SLAMF1: variants seen among roughly 807,000 people sequenced by gnomAD.
SLAMF1 encodes the protein signaling lymphocytic activation molecule.
In SLAMF1, 18 loss-of-function variants were observed where a neutral mutation model predicts 35.1. The ratio of observed to expected loss-of-function variants is 0.51; its 90% CI spans 0.35 to 0.76. The LOEUF (loss-of-function observed/expected upper bound fraction) is 0.76. Ranked by LOEUF, SLAMF1 falls within the 30% of genes least tolerant of loss-of-function variation. The pLI, the probability that SLAMF1 is intolerant of heterozygous loss-of-function variation, is 0.01. For synonymous variants in SLAMF1, 168 were observed against 157.2 expected, an observed-to-expected ratio of 1.07 and a Z score of -0.51; for missense variants, 392 against 413.0, an observed-to-expected ratio of 0.95 and a Z score of 0.44.
chr1:160,641,913 G>A (rs534005019), intron 1 of SLAMF1, among the ~76,000 whole-genome samples: 3 of 152,194 alleles, frequency 2.0e-5, no homozygotes, highest in Admixed American at 6.5e-5. Flanking sequence ...ATTCTACTTC[G>A]AAAAATGAGT....
Position 160,610,619 on chromosome 1 carries a change from G to A in SLAMF1, c.*129C>T. On this transcript the variant is annotated 3_prime_UTR_variant, in exon 7 of 7. Transcript: ENST00000302035. The stretch of plus-strand genomic sequence containing the variant: ...TGTATGTGGAAGAAACATCACCAGG[G>A]AGTTGATCTGAGAAGGGTACAGACG... The A allele has an allele frequency of 2.9e-6, 2 of 695,548 alleles. No individual in the cohort carries two copies. The highest frequency in any genetic ancestry group is 3.5e-5 in the African/African-American group (2 of 56,364). The allele number at this position is 695,548 out of a possible 1,614,324, so 43.1% of individuals were successfully genotyped here. A position where few individuals can be genotyped will look rare whatever the true frequency, so the allele number is the denominator to read the frequency against.
At chr1:160,617,464 T>A (rs1397762244) in intron 5 of SLAMF1, among the ~76,000 whole-genome samples, 1 of 152,222 alleles carries the variant, frequency 6.6e-6, no homozygotes. Context: ...CTCTAGTATA[T>A]TCATACGTTT....
At chr1:160,633,369 G>T (rs1017854732) in intron 3 of SLAMF1, among the ~76,000 whole-genome samples, 1 of 152,136 alleles carries the variant, frequency 6.6e-6, no homozygotes, top group Non-Finnish European at 1.5e-5. Context: ...GAACTTCCAG[G>T]GGCACACTGG....
rs1364206897 is a variant in SLAMF1, at chr1:160,637,411, T to C, written c.195A>G (p.Thr65=). 6.2e-7 allele frequency: 1 copy of C among 1,614,186 alleles called. No individual in the cohort carries two copies. The highest frequency in any genetic ancestry group is 8.5e-7 in the Non-Finnish European group (1 of 1,180,014). The change falls in exon 2 of 7, where the codon ACA becomes ACG. Residue 65 remains threonine (T), a synonymous_variant. Transcript: ENST00000302035. ...CACTGTTCTCCAGTGATTTTGCCAT[T>C]GTGACGACAATGTGGATGCTTTTGT... The part of the protein sequence containing the change: ...SMNKSIHIVV[T]MAKSLENSVE...
At chr1:160,617,214 A>G (rs1424537040) in intron 5 of SLAMF1, among the ~76,000 whole-genome samples, 3 of 152,170 alleles carry the variant, frequency 2.0e-5, no homozygotes, top group Non-Finnish European at 4.4e-5. Context: ...TAGCTGATAG[A>G]AAAGTAAATG....
rs919942972 is a variant in SLAMF1, at chr1:160,608,900, C to T, written c.*1848G>A. ...CCCACTTCTATTATTTGTAGAATTC[C>T]TTAATTCATAAGAAGTGAAAGTGGA... On this transcript the variant is annotated 3_prime_UTR_variant, in exon 7 of 7. Transcript: ENST00000302035. 6.6e-6 allele frequency: 1 copy of T among 152,144 alleles called. No individual in the cohort carries two copies. Among genetic ancestry groups the T allele is most frequent in the African/African-American group, 2.4e-5 (1 of 41,422 alleles). 9.4% of individuals were successfully genotyped at this position (152,144 alleles called of 1,614,324 possible).
intron 1 of SLAMF1, among the ~76,000 whole-genome samples, chr1:160,640,359 T>TATACATAC (rs1361053277): frequency 1.6e-5 from 2 of 122,472 alleles, no homozygotes; most frequent in East Asian, 2.6e-4. Flanking sequence ...TATATATATA[T>TATACATAC]ACACACACAC....
At chr1:160,622,293 A>G (rs768573266) in intron 4 of SLAMF1, among the ~76,000 whole-genome samples, 17 of 152,208 alleles carry the variant, frequency 1.1e-4, no homozygotes, top group Non-Finnish European at 2.2e-4. Flanking sequence ...TAGGACATCT[A>G]CATTGTAGCC....
chr1:160,615,227 A>T (rs2474927), intron 5 of SLAMF1, among the ~76,000 whole-genome samples: 149,836 of 151,814 alleles, frequency 0.99, 73,978 homozygotes, highest in Middle Eastern at 1. Context: ...GTATATATTT[A>T]TATATATAAA....
intron 3 of SLAMF1, among the ~76,000 whole-genome samples, chr1:160,630,463 T>C (rs963209268): frequency 1.3e-5 from 2 of 152,210 alleles, no homozygotes; most frequent in Non-Finnish European, 2.9e-5. Flanking sequence ...CATTAACCGC[T>C]GTGAGGTTTT....
chr1:160,621,508 G>A (rs868005711), intron 4 of SLAMF1, among the ~76,000 whole-genome samples: 17 of 140,806 alleles, frequency 1.2e-4, no homozygotes, highest in African/African-American at 4.3e-4. Context: ...GCAGTGAGCC[G>A]AGATCATGCC....
chr1:160,640,550 T>C (rs149631753), intron 1 of SLAMF1, among the ~76,000 whole-genome samples: 252 of 152,018 alleles, frequency 1.7e-3, no homozygotes, highest in African/African-American at 5.5e-3. Flanking sequence ...GCTTAAGTAA[T>C]GCAGCTACCT....
intron 1 of SLAMF1, among the ~76,000 whole-genome samples, chr1:160,643,898 G>A (rs1019059634): frequency 5.3e-5 from 8 of 152,168 alleles, no homozygotes; most frequent in Non-Finnish European, 1.0e-4. Flanking sequence ...CACAGTGGTT[G>A]CCTCCAGCAT....
Position 160,634,791 on chromosome 1 carries a change from G to A in SLAMF1, c.522C>T (p.Tyr174=). The change falls in exon 3 of 7, where the codon TAC becomes TAT. Residue 174 remains tyrosine, a synonymous_variant. Coordinates refer to ENST00000302035, the MANE Select transcript of SLAMF1 (RefSeq NM_003037.5). ...CTVEKGDHVA[Y]SWSEKAGTHP... Reference sequence around the variant, plus strand: ...GGGTGCCCGCCTTTTCACTCCAGCTGTAAGCCACATGGTCCCCCTTCTCCA... The same window carrying A: ...GGGTGCCCGCCTTTTCACTCCAGCTATAAGCCACATGGTCCCCCTTCTCCA... 1 of 1,614,180 alleles carries A rather than the reference G, an allele frequency of 6.2e-7. No individual in the cohort carries two copies. Among genetic ancestry groups the A allele is most frequent in the East Asian group, 2.2e-5 (1 of 44,866 alleles).
chr1:160,634,997 C>T, intron 2 of SLAMF1, 100 bp from the exon 3 acceptor site: 1 of 1,012,672 alleles, frequency 9.9e-7, no homozygotes, highest in Non-Finnish European at 1.5e-6. Context: ...ATGGCATTTT[C>T]CCTCCCCCTC....
chr1:160,623,989 C>T (rs1659747949), intron 4 of SLAMF1, 107 bp downstream of exon 4: 2 of 737,024 alleles, frequency 2.7e-6, no homozygotes, highest in Non-Finnish European at 2.3e-6. Flanking sequence ...CAAAGGTGGC[C>T]CCATGCAGAA....
At chr1:160,624,261 A>G in intron 3 of SLAMF1, 76 bp from the exon 4 acceptor site, 1 of 1,011,508 alleles carries the variant, frequency 9.9e-7, no homozygotes, top group Non-Finnish European at 1.5e-6. Context: ...AAAGTGGGAT[A>G]ATGGAGCCTC....
intron 2 of SLAMF1, among the ~76,000 whole-genome samples, chr1:160,636,217 T>C (rs1660448697): frequency 6.6e-6 from 1 of 152,232 alleles, no homozygotes; most frequent in African/African-American, 2.4e-5. Flanking sequence ...CAGTCGTGCC[T>C]GGAGCCACTG....
At chr1:160,643,679 A>G (rs746983820) in intron 1 of SLAMF1, among the ~76,000 whole-genome samples, 1 of 152,210 alleles carries the variant, frequency 6.6e-6, no homozygotes, top group South Asian at 2.1e-4. Flanking sequence ...GTGCTGTCTG[A>G]TACACTCACA....
Sources: gnomAD v4.1 joint callset for allele counts (sites outside exome capture counted in the v4.1 genomes callset) on GRCh38, gnomAD v4.1.1 for gene constraint, MANE v1.5 for transcripts, NCBI Gene and HGNC (gene_info 2026-07-23, HGNC 2026-07-21) for gene names.